The following DNAH5 variants were observed in gnomAD, a reference collection of about 807,000 sequenced individuals.
DNAH5 encodes dynein axonemal heavy chain 5.
DNAH5 carries 372 observed loss-of-function variants against 518.2 expected under a neutral mutation model. The ratio of observed to expected loss-of-function variants is 0.72; its 90% CI spans 0.66 to 0.78. The LOEUF (loss-of-function observed/expected upper bound fraction) is 0.78. Ranked by LOEUF, DNAH5 falls within the 30% of genes least tolerant of loss-of-function variation. The pLI is 0.00. For missense variants in DNAH5, 5,523 were observed against 5,687.0 expected (o/e 0.97, Z 0.93); for synonymous variants, 2,039 against 2,025.9 (o/e 1.01, Z -0.17).
intron 51 of DNAH5, among the ~76,000 whole-genome samples, chr5:13,787,239 TA>T (rs1457753442): frequency 1.3e-5 from 2 of 151,154 alleles, no homozygotes; most frequent in African/African-American, 4.9e-5. Context: ...AAGAAAAAGC[TA>T]AATTGGGCAC....
chr5:13,882,598 T>G (rs972888668), intron 21 of DNAH5, 130 bp downstream of exon 21: 6 of 775,200 alleles, frequency 7.7e-6, no homozygotes, highest in African/African-American at 1.7e-5. Flanking sequence ...TTTGTCAACT[T>G]CAAATTGGCT....
intron 2 of DNAH5, among the ~76,000 whole-genome samples, chr5:13,928,798 C>T (rs1315186966): frequency 6.6e-6 from 1 of 152,184 alleles, no homozygotes; most frequent in African/African-American, 2.4e-5. Context: ...AAAATCCACA[C>T]ACCCATTAGG....
rs751358388 is a variant in DNAH5, at chr5:13,867,831, AAT to A, written c.3994_3995del (p.Ile1332Ter). ...SLQPSFKKELISAVEVFLQDC... is the reference protein window; with the variant it reads ...SLQPSFKKELXSAVEVFLQDC... ...CTTGGAGGAATACCTCCACAGCACT[AAT>A]AAGCTCTTTCTTGAAACTGGGCTGC... On this transcript the variant is annotated frameshift_variant, in exon 25 of 79. Coordinates refer to ENST00000265104, the MANE Select transcript of DNAH5 (RefSeq NM_001369.3). LOFTEE classifies it high-confidence loss of function. 1.2e-6 allele frequency: 2 copies of A among 1,614,060 alleles called. No homozygotes were observed. The highest frequency in any genetic ancestry group is 2.2e-5 in the South Asian group (2 of 91,076).
In DNAH5 at chr5:13,829,576, G is replaced by T. The variant is rs1233182828; in HGVS notation, c.6378C>A (p.Asp2126Glu). ...RVKLASCGFIDNVVLARKFFT... is the reference protein window; with the variant it reads ...RVKLASCGFIENVVLARKFFT... ...AAAACTTCCTGGCCAAAACAACGTT[G>T]TCAATGAAGCCACAACTAGCCAACT... is the stretch of plus-strand genomic sequence containing the variant. Residue 2126 changes from aspartate to glutamate, a missense_variant, in exon 38 of 79, where the codon GAC becomes GAA. This residue lies in a region of DNAH5 where 5,121 missense variants were observed against 5,223.3 expected (regional missense o/e 0.98). Coordinates refer to ENST00000265104, the MANE Select transcript of DNAH5 (RefSeq NM_001369.3). 3 of 1,614,184 alleles carry T rather than the reference G, an allele frequency of 1.9e-6. No homozygotes were observed. In the South Asian group the frequency reaches 3.3e-5, roughly 18 times the overall value.
chr5:13,765,069 C>T (rs963167411), intron 59 of DNAH5, among the ~76,000 whole-genome samples: 1 of 152,308 alleles, frequency 6.6e-6, no homozygotes, highest in Non-Finnish European at 1.5e-5. Flanking sequence ...ATTGTATCTA[C>T]ATGGTGGAAA....
intron 1 of DNAH5, among the ~76,000 whole-genome samples, chr5:14,003,667 G>A (rs967428318): frequency 6.6e-6 from 1 of 152,222 alleles, no homozygotes; most frequent in African/African-American, 2.4e-5. Flanking sequence ...CAGAGTGGAG[G>A]AGAGACTGTC....
intron 1 of DNAH5, among the ~76,000 whole-genome samples, chr5:13,952,588 G>A (rs147294251): frequency 2.0e-5 from 3 of 152,268 alleles, no homozygotes; most frequent in African/African-American, 2.4e-5. Context: ...ACCCATGACT[G>A]TATTTCTGGG....
chr5:13,754,617 C>T (rs1750724817), intron 61 of DNAH5, among the ~76,000 whole-genome samples: 2 of 152,098 alleles, frequency 1.3e-5, no homozygotes, highest in South Asian at 2.1e-4. Flanking sequence ...TAGCTCACTG[C>T]AACCTCTGCC....
intron 32 of DNAH5, 73 bp downstream of exon 32, chr5:13,844,764 C>A: frequency 1.3e-6 from 2 of 1,597,802 alleles, no homozygotes; most frequent in African/African-American, 1.3e-5. Context: ...AACCCGTTTT[C>A]GAAGAGCTAC....
chr5:13,718,883 A>G lies in DNAH5; in HGVS notation c.12498T>C (p.Ser4166=), dbSNP rs1223784357. The G allele has an allele frequency of 1.9e-6, 3 of 1,610,564 alleles. No individual in the cohort carries two copies. The highest frequency in any genetic ancestry group is 2.5e-6 in the Non-Finnish European group (3 of 1,176,728). The stretch of plus-strand genomic sequence containing the variant: ...ACTCGCAAGTATTTCTGGACTCACC[A>G]CTATATGTTCTTTTCAGTCCTGCCC... ...GLRAGLKRTY[S]GVSQDLLDVS... is the part of the protein sequence containing the mutation. The change falls in exon 72 of 79, where the codon AGT becomes AGC. Residue 4166 remains serine (S), a splice_region_variant and synonymous_variant. Coordinates refer to ENST00000265104, the MANE Select transcript of DNAH5 (RefSeq NM_001369.3).
chr5:13,918,420 C>T lies in DNAH5; in HGVS notation c.975+756G>A, dbSNP rs1776883004. On this transcript the variant is annotated intron_variant, in intron 7 of 78. Coordinates refer to ENST00000265104, the MANE Select transcript of DNAH5 (RefSeq NM_001369.3). ...GAGTCAGAGGCACCCAGCTAAGCTG[C>T]ACCCAGATTCCTGGCCCATAGAGTG... Among the ~76,000 whole-genome samples, 3 of 152,190 alleles carry T rather than the reference C, an allele frequency of 2.0e-5. No homozygotes were observed. The South Asian group carries it at 6.2e-4, about 32-fold the overall frequency.
At chr5:13,766,402 C>T (rs1263293023) in intron 58 of DNAH5, among the ~76,000 whole-genome samples, 21 of 152,106 alleles carry the variant, frequency 1.4e-4, no homozygotes, top group African/African-American at 4.3e-4. Flanking sequence ...GAAATGTTGG[C>T]GAGCAGATAA....
rs772584808 is a variant in DNAH5 at position 13,870,757 on chromosome 5, C to G, written c.3834+10G>C. Reference sequence around the variant, plus strand: ...AATATTTCTATAATGAACAAATGATCATTAGTTACCTCAATAGGTCCTACT... The same window carrying G: ...AATATTTCTATAATGAACAAATGATGATTAGTTACCTCAATAGGTCCTACT... On this transcript the variant is annotated intron_variant, in intron 24 of 78. Transcript: ENST00000265104. 3 of 1,603,292 alleles carry G rather than the reference C, an allele frequency of 1.9e-6. No homozygotes were observed. Among genetic ancestry groups the G allele is most frequent in the Non-Finnish European group, 2.6e-6 (3 of 1,170,780 alleles).
chr5:13,884,901 C>T (rs948456623), intron 19 of DNAH5, 88 bp downstream of exon 19: 5 of 1,532,046 alleles, frequency 3.3e-6, no homozygotes, highest in Admixed American at 1.7e-5. Context: ...AATGTACATG[C>T]ACGTGCACAC....
At chr5:14,010,795 A>G (rs2152092083) in intron 1 of DNAH5, among the ~76,000 whole-genome samples, 1 of 152,328 alleles carries the variant, frequency 6.6e-6, no homozygotes, top group East Asian at 1.9e-4. Flanking sequence ...CATAATCTAG[A>G]TACATTGCTC....
chr5:13,794,966 C>G (rs1200013180), intron 47 of DNAH5, among the ~76,000 whole-genome samples: 1 of 151,866 alleles, frequency 6.6e-6, no homozygotes, highest in African/African-American at 2.4e-5. Flanking sequence ...GACTCCGTCT[C>G]AAAATAAATA....
intron 1 of DNAH5, among the ~76,000 whole-genome samples, chr5:13,991,055 G>T (rs1007291348): frequency 2.6e-5 from 4 of 152,096 alleles, no homozygotes; most frequent in African/African-American, 7.2e-5. Context: ...TAGGTGTCGG[G>T]GGCTGGATTG....
At chr5:13,890,275 C>T (rs535889890) in intron 17 of DNAH5, among the ~76,000 whole-genome samples, 1 of 151,900 alleles carries the variant, frequency 6.6e-6, no homozygotes, top group East Asian at 1.9e-4. Flanking sequence ...GGCGTGGCAG[C>T]GTGTGCCTGT....
In DNAH5 at chr5:13,690,398, T is replaced by C. The variant is rs1387484961; in HGVS notation, c.*1586A>G. The C allele has an allele frequency of 1.3e-5, 2 of 152,226 alleles. No individual in the cohort carries two copies. Among genetic ancestry groups the C allele is most frequent in the Non-Finnish European group, 2.9e-5 (2 of 68,044 alleles). 9.4% of individuals were successfully genotyped at this position (152,226 alleles called of 1,614,324 possible). A position where few individuals can be genotyped will look rare whatever the true frequency, so the allele number is the denominator to read the frequency against. ...TTACTTGCTTTTCAAAATGAAATGA[T>C]TGTTTCACCACAATTCACACAAATC... On this transcript the variant is annotated 3_prime_UTR_variant, in exon 79 of 79. Coordinates refer to ENST00000265104, the MANE Select transcript of DNAH5 (RefSeq NM_001369.3).
Sources: allele counts gnomAD v4.1 joint callset (sites outside exome capture counted in the v4.1 genomes callset), GRCh38; gene constraint gnomAD v4.1.1; regional missense constraint gnomAD v4.1.1; transcripts MANE v1.5; gene names NCBI Gene and HGNC (gene_info 2026-07-23, HGNC 2026-07-21).